RPS23: variants seen among roughly 807,000 people sequenced by gnomAD.
RPS23 encodes the protein small ribosomal subunit protein uS12.
For synonymous variants in RPS23, 66 were observed against 60.4 expected (o/e 1.09, Z -0.43); for missense variants, 73 against 174.5 (o/e 0.42, Z 3.28).
chr5:82,275,033 T>G lies in RPS23; in HGVS notation c.*1076A>C. The G allele has an allele frequency of 1.8e-6, 1 of 568,262 alleles. No homozygotes were observed. The highest frequency in any genetic ancestry group is 2.2e-5 in the South Asian group (1 of 44,568). The allele number at this position is 568,262 out of a possible 1,614,324, so 35.2% of individuals were successfully genotyped here. A position where few individuals can be genotyped will look rare whatever the true frequency, so the allele number is the denominator to read the frequency against. ...GAGCACAAAGTGCCAAGGAGAGAAA[T>G]GGCAGGCTAAGGCTGGAATATGCAG... is the stretch of plus-strand genomic sequence containing the variant. On this transcript the variant is annotated 3_prime_UTR_variant, in exon 4 of 4. Transcript: ENST00000296674.
chr5:82,276,704 AT>A (rs1561389503), intron 2 of RPS23, 186 bp from the exon 3 acceptor site: 1 of 687,334 alleles, frequency 1.5e-6, no homozygotes, highest in East Asian at 2.7e-5. Flanking sequence ...AATGGGGGAA[AT>A]TTCTAGACCT....
rs559641678 is a variant in RPS23 at position 82,275,979 on chromosome 5, G to A, written c.*130C>T. ...TACAGGTCCTGCGTTTGCTGGTTTA[G>A]GATAAAAAAAATAAGGGGGGGTGGT... On this transcript the variant is annotated 3_prime_UTR_variant, in exon 4 of 4. Transcript: ENST00000296674. 3 of 855,142 alleles carry A rather than the reference G, an allele frequency of 3.5e-6. No individual in the cohort carries two copies. The highest frequency in any genetic ancestry group is 3.4e-5 in the African/African-American group (2 of 58,790). 53.0% of individuals were successfully genotyped at this position (855,142 alleles called of 1,614,324 possible). A position where few individuals can be genotyped will look rare whatever the true frequency, so the allele number is the denominator to read the frequency against.
chr5:82,275,556 CACATT>C lies in RPS23; in HGVS notation c.*548_*552del. On this transcript the variant is annotated 3_prime_UTR_variant, in exon 4 of 4. Transcript: ENST00000296674. The stretch of plus-strand genomic sequence containing the variant: ...ATTCTCCTAAACACATTAATGTAGA[CACATT>C]ACAACACAGATCCTGACACCTTTAA... 1 of 505,386 alleles carries C rather than the reference CACATT, an allele frequency of 2.0e-6. No homozygotes were observed. Among genetic ancestry groups the C allele is most frequent in the Non-Finnish European group, 3.5e-6 (1 of 284,660 alleles). 31.3% of individuals were successfully genotyped at this position (505,386 alleles called of 1,614,324 possible). A position where few individuals can be genotyped will look rare whatever the true frequency, so the allele number is the denominator to read the frequency against.
At position 82,275,610 on chromosome 5, in the gene RPS23, T is replaced by C; in HGVS notation, c.*499A>G. On this transcript the variant is annotated 3_prime_UTR_variant, in exon 4 of 4. Transcript: ENST00000296674. ...AAATAATAAACAGAGTGGGGAGCAA[T>C]TTTGAGTTTACTATTTATCATCTTG... The C allele has an allele frequency of 2.7e-6, 1 of 366,042 alleles. No individual in the cohort carries two copies. The highest frequency in any genetic ancestry group is 4.8e-5 in the East Asian group (1 of 20,952). 22.7% of individuals were successfully genotyped at this position (366,042 alleles called of 1,614,324 possible). A position where few individuals can be genotyped will look rare whatever the true frequency, so the allele number is the denominator to read the frequency against.
chr5:82,275,558 C>T lies in RPS23; in HGVS notation c.*551G>A, dbSNP rs550435932. On this transcript the variant is annotated 3_prime_UTR_variant, in exon 4 of 4. Coordinates refer to ENST00000296674, the MANE Select transcript of RPS23 (RefSeq NM_001025.5). Reference sequence around the variant, plus strand: ...TCTCCTAAACACATTAATGTAGACACATTACAACACAGATCCTGACACCTT... The same window carrying T: ...TCTCCTAAACACATTAATGTAGACATATTACAACACAGATCCTGACACCTT... 1 of 503,874 alleles carries T rather than the reference C, an allele frequency of 2.0e-6. No homozygotes were observed. The highest frequency in any genetic ancestry group is 3.5e-6 in the Non-Finnish European group (1 of 283,856). 31.2% of individuals were successfully genotyped at this position (503,874 alleles called of 1,614,324 possible). A position where few individuals can be genotyped will look rare whatever the true frequency, so the allele number is the denominator to read the frequency against.
chr5:82,276,368 C>T (rs553545664), intron 3 of RPS23, 30 bp downstream of exon 3: 1 of 1,613,734 alleles, frequency 6.2e-7, no homozygotes, highest in Non-Finnish European at 8.5e-7. Flanking sequence ...ACCCCAAGAA[C>T]AGAAGGTACG....
chr5:82,274,903 G>T lies in RPS23; in HGVS notation c.*1206C>A, dbSNP rs146836349. ...TGCTGGAAAACACACGAGCTCTTTA[G>T]TAAGAGCAGGCGACATGCAAGGAAC... is the stretch of plus-strand genomic sequence containing the variant. On this transcript the variant is annotated 3_prime_UTR_variant, in exon 4 of 4. Coordinates refer to ENST00000296674, the MANE Select transcript of RPS23 (RefSeq NM_001025.5). 1.6e-5 allele frequency: 5 copies of T among 311,582 alleles called. No individual in the cohort carries two copies. The highest frequency in any genetic ancestry group is 2.1e-5 in the African/African-American group (1 of 47,306). The allele number at this position is 311,582 out of a possible 1,614,324, so 19.3% of individuals were successfully genotyped here.
chr5:82,274,898 C>T lies in RPS23; in HGVS notation c.*1211G>A, dbSNP rs1747738893. 6.6e-6 allele frequency: 2 copies of T among 302,254 alleles called. No homozygotes were observed. Among genetic ancestry groups the T allele is most frequent in the African/African-American group, 2.1e-5 (1 of 46,834 alleles). The allele number at this position is 302,254 out of a possible 1,614,324, so 18.7% of individuals were successfully genotyped here. A position where few individuals can be genotyped will look rare whatever the true frequency, so the allele number is the denominator to read the frequency against. On this transcript the variant is annotated 3_prime_UTR_variant, in exon 4 of 4. Transcript: ENST00000296674. ...AAGTGTGCTGGAAAACACACGAGCT[C>T]TTTAGTAAGAGCAGGCGACATGCAA...
chr5:82,277,179 A>T (rs1241158302), intron 2 of RPS23, among the ~76,000 whole-genome samples: 2 of 12,984 alleles, frequency 1.5e-4, no homozygotes, highest in Non-Finnish European at 2.9e-4. Flanking sequence ...AGACTGTCTC[A>T]AAAAAAAAAA....
Position 82,275,208 on chromosome 5 carries a change from CT to C in RPS23, c.*900del. On this transcript the variant is annotated 3_prime_UTR_variant, in exon 4 of 4. Transcript: ENST00000296674. ...CAAAGGGCTAATTAACCCATACTTA[CT>C]ATTTGTTAACAGGAGTTTCTTACAT... The C allele has an allele frequency of 2.8e-6, 2 of 702,560 alleles. No individual in the cohort carries two copies. Among genetic ancestry groups the C allele is most frequent in the East Asian group, 5.4e-5 (2 of 37,284 alleles). The allele number at this position is 702,560 out of a possible 1,614,324, so 43.5% of individuals were successfully genotyped here.
intron 1 of RPS23, 67 bp from the exon 2 acceptor site, chr5:82,277,919 C>G: frequency 7.3e-7 from 1 of 1,371,100 alleles, no homozygotes; most frequent in African/African-American, 1.4e-5. Flanking sequence ...TCTTCTAAGA[C>G]ACTCGCCTCA....
In RPS23 at chr5:82,274,430, C is replaced by T. The variant is rs1255678205; in HGVS notation, c.*1679G>A. 6.6e-6 allele frequency: 1 copy of T among 152,294 alleles called. No individual in the cohort carries two copies. The highest frequency in any genetic ancestry group is 6.5e-5 in the Admixed American group (1 of 15,286). 9.4% of individuals were successfully genotyped at this position (152,294 alleles called of 1,614,324 possible). ...GACTGCTTAGCAGTGAAAAGGGCGT[C>T]CTGGGTGCAGCCAACAGGGTACAGC... is the stretch of plus-strand genomic sequence containing the variant. On this transcript the variant is annotated 3_prime_UTR_variant, in exon 4 of 4. Transcript: ENST00000296674.
chr5:82,276,739 G>T, intron 2 of RPS23: 1 of 591,346 alleles, frequency 1.7e-6, no homozygotes, highest in South Asian at 2.2e-5. Context: ...AAGTAGACTG[G>T]AGTGGCAGCG....
chr5:82,277,178 CAAAAAAAA>C (rs71000896), intron 2 of RPS23, among the ~76,000 whole-genome samples: 12 of 82,422 alleles, frequency 1.5e-4, no homozygotes, highest in Middle Eastern at 7.5e-3. Flanking sequence ...TAGACTGTCT[CAAAAAAAA>C]AAAAAAAAAA....
intron 2 of RPS23, 151 bp from the exon 3 acceptor site, chr5:82,276,669 C>G (rs1435346576): frequency 1.1e-6 from 1 of 912,192 alleles, no homozygotes; most frequent in Admixed American, 2.8e-5. Context: ...ACCTAGTTTT[C>G]TGCCAGTCTT....
Position 82,276,461 on chromosome 5 carries a change from C to T in RPS23, c.222G>A (p.Leu74=), listed in dbSNP as rs779172871. The change falls in exon 3 of 4, where the codon CTG becomes CTA. Residue 74 remains leucine, a synonymous_variant. Coordinates refer to ENST00000296674, the MANE Select transcript of RPS23 (RefSeq NM_001025.5). Reference sequence around the variant, plus strand: ...CTGTGATTTTCTTGCCATTCTTGATCAGCTGGACCCTTACACACTTCCTAA... The same window carrying T: ...CTGTGATTTTCTTGCCATTCTTGATTAGCTGGACCCTTACACACTTCCTAA... ...SAIRKCVRVQ[L]IKNGKKITAF... 1.2e-5 allele frequency: 19 copies of T among 1,613,856 alleles called. No individual in the cohort carries two copies. Among genetic ancestry groups the T allele is most frequent in the Middle Eastern group, 1.6e-4 (1 of 6,082 alleles).
rs1239037613 is a variant in RPS23 at position 82,275,243 on chromosome 5, AAGC to A, written c.*863_*865del. 4.3e-6 allele frequency: 3 copies of A among 702,492 alleles called. No homozygotes were observed. The highest frequency in any genetic ancestry group is 3.5e-5 in the African/African-American group (2 of 57,264). The allele number at this position is 702,492 out of a possible 1,614,324, so 43.5% of individuals were successfully genotyped here. On this transcript the variant is annotated 3_prime_UTR_variant, in exon 4 of 4. Transcript: ENST00000296674. Reference sequence around the variant, plus strand: ...ACAGGAGTTTCTTACATCAGATTTAAAGCAGAAGGCTCACAGCTTCATTTCAAC... The same window carrying A: ...ACAGGAGTTTCTTACATCAGATTTAAAGAAGGCTCACAGCTTCATTTCAAC...
In RPS23 at chr5:82,275,943, CCTA is replaced by C; in HGVS notation, c.*163_*165del. 1.6e-6 allele frequency: 1 copy of C among 628,722 alleles called. No individual in the cohort carries two copies. Among genetic ancestry groups the C allele is most frequent in the Non-Finnish European group, 2.8e-6 (1 of 357,176 alleles). 38.9% of individuals were successfully genotyped at this position (628,722 alleles called of 1,614,324 possible). The stretch of plus-strand genomic sequence containing the variant: ...CTGAAACAACCCTGTCTTATTGTCT[CCTA>C]AAATTGGTACAGGTCCTGCGTTTGC... On this transcript the variant is annotated 3_prime_UTR_variant, in exon 4 of 4. Coordinates refer to ENST00000296674, the MANE Select transcript of RPS23 (RefSeq NM_001025.5).
Position 82,275,732 on chromosome 5 carries a change from A to G in RPS23, c.*377T>C, listed in dbSNP as rs1407844213. 8.1e-6 allele frequency: 2 copies of G among 246,638 alleles called. No individual in the cohort carries two copies. Among genetic ancestry groups the G allele is most frequent in the East Asian group, 1.8e-4 (2 of 11,308 alleles). 15.3% of individuals were successfully genotyped at this position (246,638 alleles called of 1,614,324 possible). On this transcript the variant is annotated 3_prime_UTR_variant, in exon 4 of 4. Coordinates refer to ENST00000296674, the MANE Select transcript of RPS23 (RefSeq NM_001025.5). ...TGGTAACTGAAGTGTTGCACCCGATATGGAAAATACCAAGAATAAAAAAGA... is the reference window on the plus strand; with the variant it reads ...TGGTAACTGAAGTGTTGCACCCGATGTGGAAAATACCAAGAATAAAAAAGA...
Sources: gnomAD v4.1 joint callset for allele counts (sites outside exome capture counted in the v4.1 genomes callset) on GRCh38, gnomAD v4.1.1 for gene constraint, MANE v1.5 for transcripts, NCBI Gene and HGNC (gene_info 2026-07-23, HGNC 2026-07-21) for gene names.